GSE1: variants seen among roughly 807,000 people sequenced by gnomAD.
The protein encoded by GSE1 is genetic suppressor element 1.
In GSE1, 32 loss-of-function variants were observed where a neutral mutation model predicts 112.6. The ratio of observed to expected loss-of-function variants is 0.28; its 90% confidence interval spans 0.21 to 0.38. GSE1 has a LOEUF of 0.38. Among genes scored for constraint, GSE1 ranks in the 10% least tolerant of loss-of-function variants. The probability of loss-of-function intolerance (pLI) is 1.00; values close to 1 mark genes in which losing one functional copy is unlikely to be tolerated. For synonymous variants in GSE1, 1,115 were observed against 735.6 expected (o/e 1.52, Z -8.35); for missense variants, 2,348 against 1,699.2 (o/e 1.38, Z -6.71).
intron 2 of GSE1, among the ~76,000 whole-genome samples, chr16:85,398,876 C>T (rs2048026616): frequency 1.3e-5 from 2 of 152,006 alleles, no homozygotes; most frequent in African/African-American, 4.8e-5. Flanking sequence ...GTCGAGTGCG[C>T]ACCGACATGT....
chr16:85,613,146 C>T (rs1329312042), upstream of GSE1: 1 of 1,303,968 alleles, frequency 7.7e-7, no homozygotes, highest in Non-Finnish European at 1.0e-6. Context: ...CGACACCTCC[C>T]GCTGGCTGAG....
At position 85,655,008 on chromosome 16, in the gene GSE1, G is replaced by C; in HGVS notation, c.797+17G>C. 1 of 1,482,836 alleles carries C rather than the reference G, an allele frequency of 6.7e-7. No individual in the cohort carries two copies. Among genetic ancestry groups the C allele is most frequent in the Non-Finnish European group, 9.3e-7 (1 of 1,080,820 alleles). 91.9% of individuals were successfully genotyped at this position (1,482,836 alleles called of 1,614,324 possible). A position where few individuals can be genotyped will look rare whatever the true frequency, so the allele number is the denominator to read the frequency against. On this transcript the variant is annotated intron_variant, in intron 5 of 15. Coordinates refer to ENST00000253458, the MANE Select transcript of GSE1 (RefSeq NM_014615.5). ...GGCCTTCAGGTGAGGCATCCCCCAC[G>C]CGCCCTCTCGTCTAGGTGCTGGCCT...
At chr16:85,475,194 C>T (rs1333852417) in intron 2 of GSE1, among the ~76,000 whole-genome samples, 2 of 152,230 alleles carry the variant, frequency 1.3e-5, no homozygotes, top group Non-Finnish European at 2.9e-5. Context: ...CCTTCTCTTT[C>T]TCCCTGCCTC....
chr16:85,345,879 G>A (rs1347760385), intron 1 of GSE1, among the ~76,000 whole-genome samples: 1 of 152,180 alleles, frequency 6.6e-6, no homozygotes, highest in East Asian at 1.9e-4. Flanking sequence ...TGGACAGGTG[G>A]ATGAGTGGAT....
intron 1 of GSE1, among the ~76,000 whole-genome samples, chr16:85,207,236 C>G (rs79178185): frequency 0.038 from 5,742 of 152,348 alleles, 376 homozygotes; most frequent in African/African-American, 0.13. Flanking sequence ...CCCCCACTTG[C>G]TCCTCTCGGC....
intron 2 of GSE1, among the ~76,000 whole-genome samples, chr16:85,527,940 TC>T (rs1211028986): frequency 6.6e-6 from 1 of 152,120 alleles, no homozygotes; most frequent in Non-Finnish European, 1.5e-5. Flanking sequence ...AGAAGGCCGT[TC>T]CTGGAAGAGA....
chr16:85,275,652 G>C (rs9940823), intron 1 of GSE1, among the ~76,000 whole-genome samples: 12,683 of 152,304 alleles, frequency 0.083, 1,212 homozygotes, highest in African/African-American at 0.23. Flanking sequence ...GTCGGTCCTA[G>C]ACGTGGGGAG....
chr16:85,198,349 G>A (rs2074967486), intron 1 of GSE1, among the ~76,000 whole-genome samples: 1 of 152,240 alleles, frequency 6.6e-6, no homozygotes, highest in Admixed American at 6.5e-5. Context: ...AGTACACTGA[G>A]ACATGTCCTT....
chr16:85,279,308 T>A (rs770348593), intron 1 of GSE1, among the ~76,000 whole-genome samples: 5 of 152,202 alleles, frequency 3.3e-5, no homozygotes, highest in Non-Finnish European at 7.3e-5. Context: ...TACAAGCTCA[T>A]TTAAGGTAGT....
At chr16:85,608,237 C>T (rs772358755), upstream of GSE1, among the ~76,000 whole-genome samples, 1 of 152,128 alleles carries the variant, frequency 6.6e-6, no homozygotes, top group Non-Finnish European at 1.5e-5. Flanking sequence ...TAGGGCAGGG[C>T]TGGGGGCTGA....
intron 1 of GSE1, among the ~76,000 whole-genome samples, chr16:85,603,385 C>A (rs1268149679): frequency 6.6e-6 from 1 of 152,220 alleles, no homozygotes. Flanking sequence ...GGGTCATCCG[C>A]ACAGCCCGAA....
At chr16:85,607,388 G>A (rs1402986896), upstream of GSE1, among the ~76,000 whole-genome samples, 2 of 152,208 alleles carry the variant, frequency 1.3e-5, no homozygotes, top group Non-Finnish European at 1.5e-5. Flanking sequence ...CCGCGGTGGC[G>A]GCGTCCCCAT....
rs571517603 is a variant in GSE1 at position 85,377,075 on chromosome 16, T to C, written c.2464+19432T>C. Among the ~76,000 whole-genome samples the C allele has an allele frequency of 5.9e-5, 9 of 152,324 alleles. No homozygotes were observed. The East Asian group carries it at 1.5e-3, about 26-fold the overall frequency. On this transcript the variant is annotated intron_variant, in intron 2 of 2. Coordinates refer to the GSE1 transcript ENST00000637419. ...GTTCTGGAATTCTGATCACCTTATT[T>C]TTTATTGTAAGCCTGGAATGTTGAC...
chr16:85,330,830 A>G (rs1188438392), intron 1 of GSE1, among the ~76,000 whole-genome samples: 1 of 151,998 alleles, frequency 6.6e-6, no homozygotes, highest in Non-Finnish European at 1.5e-5. Context: ...GTCTTTCTCT[A>G]TCTCCCTCCT....
intron 1 of GSE1, among the ~76,000 whole-genome samples, chr16:85,320,934 A>G (rs2046094197): frequency 6.6e-6 from 1 of 152,066 alleles, no homozygotes. Context: ...CACTTCTTCT[A>G]GGAGTCTACT....
intron 2 of GSE1, among the ~76,000 whole-genome samples, chr16:85,525,961 G>A (rs958632769): frequency 1.3e-5 from 2 of 152,172 alleles, no homozygotes; most frequent in Non-Finnish European, 2.9e-5. Context: ...CCTTGGACTG[G>A]CTGCATTGAC....
At chr16:85,274,409 AAAAT>A (rs1909153625) in intron 1 of GSE1, among the ~76,000 whole-genome samples, 1 of 152,170 alleles carries the variant, frequency 6.6e-6, no homozygotes, top group Non-Finnish European at 1.5e-5. Context: ...TAAATAAAAT[AAAAT>A]AAATAAAAGA....
intron 1 of GSE1, among the ~76,000 whole-genome samples, chr16:85,625,423 G>A (rs1020501234): frequency 1.3e-5 from 2 of 152,148 alleles, no homozygotes; most frequent in Non-Finnish European, 2.9e-5. Flanking sequence ...AGCATCCAGC[G>A]CCTTCTGTGC....
At chr16:85,292,668 C>T (rs12922136) in intron 1 of GSE1, among the ~76,000 whole-genome samples, 3,327 of 151,950 alleles carry the variant, frequency 0.022, 57 homozygotes, top group Middle Eastern at 0.044. Flanking sequence ...ACATATTGGC[C>T]AGGCTGGTCT....
Sources: allele counts gnomAD v4.1 joint callset (sites outside exome capture counted in the v4.1 genomes callset), GRCh38; gene constraint gnomAD v4.1.1; transcripts MANE v1.5; gene names NCBI Gene and HGNC (gene_info 2026-07-23, HGNC 2026-07-21).